AVPI1: variants seen among roughly 807,000 people sequenced by gnomAD.
AVPI1 encodes arginine vasopressin induced 1, also known as arginine vasopressin-induced protein 1.
A neutral mutation model predicts 11.9 loss-of-function variants in AVPI1; 9 were observed. The ratio of observed to expected loss-of-function variants is 0.76; its 90% CI spans 0.46 to 1.32. The LOEUF is 1.32. AVPI1 is among the 40% of genes most tolerant of loss of function. AVPI1 has a pLI of 0.00. For synonymous variants in AVPI1, 68 were observed against 78.1 expected, an observed-to-expected ratio of 0.87 and a Z score of 0.68; for missense variants, 207 against 195.8, an observed-to-expected ratio of 1.06 and a Z score of -0.34.
intron 1 of AVPI1, 48 bp from the exon 2 acceptor site, chr10:97,679,963 C>A: frequency 6.8e-7 from 1 of 1,467,450 alleles, no homozygotes. Flanking sequence ...TGGTCCTTCC[C>A]AGACCTGGGG....
In AVPI1 at chr10:97,684,817, C is replaced by T. The variant is rs987249991; in HGVS notation, c.-11+1949G>A. ...GACCGGCCAAGCCCCTCACTCTTGG[C>T]TCTGTCTCTTATTCTGGGATTCAGA... On this transcript the variant is annotated intron_variant, in intron 1 of 2. Transcript: ENST00000370626. 5.7e-4 allele frequency among the ~76,000 whole-genome samples: 86 copies of T among 152,158 alleles called. 5 individuals carry two copies. Among genetic ancestry groups the T allele is most frequent in the Non-Finnish European group, 1.5e-5 (1 of 68,034 alleles).
intron 1 of AVPI1, among the ~76,000 whole-genome samples, chr10:97,684,529 A>C (rs2041719874): frequency 1.7e-5 from 2 of 120,578 alleles, no homozygotes; most frequent in African/African-American, 3.3e-5. Context: ...GCGGAGTCTC[A>C]CTCTGTCACC....
intron 1 of AVPI1, among the ~76,000 whole-genome samples, chr10:97,683,479 C>G (rs543596628): frequency 6.6e-6 from 1 of 152,212 alleles, no homozygotes; most frequent in Non-Finnish European, 1.5e-5. Flanking sequence ...TTTAAACCCC[C>G]GAGCTGGCTT....
rs779829867 is a variant in AVPI1, at chr10:97,679,677, TC to T, written c.228del (p.Lys77ArgfsTer92). ...AGGGGTTTCTGCCTTGGGGGCCTCT[TC>T]CTGCGCAGCCTCTTGAGGGCCTCAG... ...RVAEALKRLR[R>X]KRPPRQKPLG... On this transcript the variant is annotated frameshift_variant, in exon 2 of 3. Coordinates refer to ENST00000370626, the MANE Select transcript of AVPI1 (RefSeq NM_021732.3). LOFTEE classifies it high-confidence loss of function. The T allele has an allele frequency of 3.7e-6, 6 of 1,613,950 alleles. No homozygotes were observed. The South Asian group carries it at 6.6e-5, about 18-fold the overall frequency.
At chr10:97,683,074 TA>T (rs1376485483) in intron 1 of AVPI1, among the ~76,000 whole-genome samples, 1 of 152,194 alleles carries the variant, frequency 6.6e-6, no homozygotes, top group Non-Finnish European at 1.5e-5. Context: ...CACAGGGAAG[TA>T]AAGGGAAGCT....
rs897282795 is a variant in AVPI1 at position 97,683,725 on chromosome 10, G to C, written c.-11+3041C>G. Among the ~76,000 whole-genome samples, 7 of 152,368 alleles carry C rather than the reference G, an allele frequency of 4.6e-5. No individual in the cohort carries two copies. The South Asian group carries it at 1.4e-3, about 32-fold the overall frequency. ...TAGCACTCTAAAGAGGAAGAGCCCAGCTTCCACAGAAGAAATCAAGAACTG... is the reference window on the plus strand; with the variant it reads ...TAGCACTCTAAAGAGGAAGAGCCCACCTTCCACAGAAGAAATCAAGAACTG... On this transcript the variant is annotated intron_variant, in intron 1 of 2. Transcript: ENST00000370626.
intron 2 of AVPI1, among the ~76,000 whole-genome samples, chr10:97,678,962 TG>T: frequency 1.6e-5 from 1 of 63,720 alleles, no homozygotes; most frequent in South Asian, 5.6e-4. Flanking sequence ...TGTGTGTGTG[TG>T]TGTGTGTGTG....
At chr10:97,686,021 G>A (rs1005376921) in intron 1 of AVPI1, among the ~76,000 whole-genome samples, 10 of 152,292 alleles carry the variant, frequency 6.6e-5, no homozygotes, top group East Asian at 1.9e-4. Context: ...GGTGGCTCAC[G>A]CCTGTAATCC....
chr10:97,683,981 G>A (rs1037117945), intron 1 of AVPI1, among the ~76,000 whole-genome samples: 1 of 152,108 alleles, frequency 6.6e-6, no homozygotes, highest in African/African-American at 2.4e-5. Flanking sequence ...AAGGAGGAAC[G>A]GAGCTACTTG....
intron 2 of AVPI1, among the ~76,000 whole-genome samples, chr10:97,678,959 G>C (rs1564779947): frequency 0.018 from 1,206 of 65,748 alleles, 167 homozygotes; most frequent in South Asian, 0.04. Flanking sequence ...GTGTGTGTGT[G>C]TGTGTGTGTG....
At chr10:97,678,936 T>TC in intron 2 of AVPI1, among the ~76,000 whole-genome samples, 1 of 28,442 alleles carries the variant, frequency 3.5e-5, no homozygotes, top group African/African-American at 1.3e-4. Flanking sequence ...TGTGTGTGTG[T>TC]GTGTGTGTGT....
At chr10:97,678,684 TAAAAAAA>T (rs66489128) in intron 2 of AVPI1, among the ~76,000 whole-genome samples, 129 of 145,156 alleles carry the variant, frequency 8.9e-4, no homozygotes, top group Middle Eastern at 7.0e-3. Flanking sequence ...TAATTAGGCT[TAAAAAAA>T]AAAAAAAAAG....
intron 2 of AVPI1, 129 bp downstream of exon 2, chr10:97,679,487 CCTT>C: frequency 8.6e-7 from 1 of 1,160,952 alleles, no homozygotes; most frequent in Non-Finnish European, 1.2e-6. Flanking sequence ...ACTGTGTAGA[CCTT>C]ATAACCACCC....
chr10:97,679,113 TGTATATGACTCCAA>T (rs1414611543), intron 2 of AVPI1, among the ~76,000 whole-genome samples: 1 of 145,010 alleles, frequency 6.9e-6, no homozygotes, highest in African/African-American at 2.5e-5. Flanking sequence ...TTCACAGGGT[TGTATATGACTCCAA>T]AAGTAACAGC....
intron 2 of AVPI1, among the ~76,000 whole-genome samples, chr10:97,678,383 A>G (rs541222581): frequency 6.6e-6 from 1 of 152,332 alleles, no homozygotes; most frequent in Middle Eastern, 3.4e-3. Flanking sequence ...TCAGGACCTG[A>G]TGACCTCCAA....
At chr10:97,682,067 C>T (rs2041707962) in intron 1 of AVPI1, among the ~76,000 whole-genome samples, 1 of 152,208 alleles carries the variant, frequency 6.6e-6, no homozygotes, top group Non-Finnish European at 1.5e-5. Flanking sequence ...GCCAACATGG[C>T]ATTTTATGTA....
At position 97,687,149 on chromosome 10, in the gene AVPI1, A is replaced by C. The variant is rs1056537109; in HGVS notation, c.-394T>G. ...TTGAGGCAGGCCGCACGCAGCCCCA[A>C]ACTGGTCCGGGCCACTTGGGTCACA... On this transcript the variant is annotated 5_prime_UTR_variant, in exon 1 of 3. Transcript: ENST00000370626. 6.6e-6 allele frequency: 1 copy of C among 152,318 alleles called. No individual in the cohort carries two copies. The highest frequency in any genetic ancestry group is 6.5e-5 in the Admixed American group (1 of 15,276). 9.4% of individuals were successfully genotyped at this position (152,318 alleles called of 1,614,324 possible). A position where few individuals can be genotyped will look rare whatever the true frequency, so the allele number is the denominator to read the frequency against.
rs192546249 is a variant in AVPI1, at chr10:97,681,441, G to A, written c.-10-1526C>T. Among the ~76,000 whole-genome samples the A allele has an allele frequency of 5.9e-3, 904 of 152,172 alleles. 9 individuals carry two copies. The highest frequency in any genetic ancestry group is 0.017 in the African/African-American group (691 of 41,526). On this transcript the variant is annotated intron_variant, in intron 1 of 2. Transcript: ENST00000370626. ...CTACTAAAAATACAAAAGTAGCCGG[G>A]CGTGGTGGCGCATGCCTGTAATCCC...
In AVPI1 at chr10:97,679,679, C is replaced by T; in HGVS notation, c.227G>A (p.Arg76Lys). The change falls in exon 2 of 3, where the codon AGG (arginine) becomes AAG (lysine). Residue 76 changes from arginine to lysine, a missense_variant. Coordinates refer to ENST00000370626, the MANE Select transcript of AVPI1 (RefSeq NM_021732.3). ...RVAEALKRLRRKRPPRQKPLG... is the reference protein window; with the variant it reads ...RVAEALKRLRKKRPPRQKPLG... Reference sequence around the variant, plus strand: ...GGGTTTCTGCCTTGGGGGCCTCTTCCTGCGCAGCCTCTTGAGGGCCTCAGC... The same window carrying T: ...GGGTTTCTGCCTTGGGGGCCTCTTCTTGCGCAGCCTCTTGAGGGCCTCAGC... 6.2e-7 allele frequency: 1 copy of T among 1,614,074 alleles called. No individual in the cohort carries two copies. Among genetic ancestry groups the T allele is most frequent in the Non-Finnish European group, 8.5e-7 (1 of 1,179,988 alleles).
Sources: allele counts gnomAD v4.1 joint callset (sites outside exome capture counted in the v4.1 genomes callset), GRCh38; gene constraint gnomAD v4.1.1; transcripts MANE v1.5; gene names NCBI Gene and HGNC (gene_info 2026-07-23, HGNC 2026-07-21).